ARHGAP39: variants seen among roughly 807,000 people sequenced by gnomAD.
ARHGAP39 encodes the protein Rho GTPase activating protein 39.
A neutral mutation model predicts 106.9 loss-of-function variants in ARHGAP39; 44 were observed. The observed-to-expected ratio is 0.41, with a 90% CI of 0.32 to 0.53. The LOEUF is 0.53. ARHGAP39 is among the 20% of genes least tolerant of loss of function. The pLI, the probability that ARHGAP39 is intolerant of heterozygous loss-of-function variation, is 0.21. For missense variants in ARHGAP39, 1,496 were observed against 1,577.3 expected (o/e 0.95, Z 0.87); for synonymous variants, 768 against 693.2 (o/e 1.11, Z -1.69).
intron 1 of ARHGAP39, among the ~76,000 whole-genome samples, chr8:144,630,973 T>C (rs1291969511): frequency 3.3e-5 from 5 of 152,288 alleles, no homozygotes; most frequent in African/African-American, 4.8e-5. Context: ...ACAGGTAGCA[T>C]GGCACCAACA....
intron 2 of ARHGAP39, among the ~76,000 whole-genome samples, chr8:144,587,540 A>G (rs1819225894): frequency 6.6e-6 from 1 of 152,194 alleles, no homozygotes. Flanking sequence ...GGAGCACAGG[A>G]TAGTCAGAGG....
the ARHGAP39 span, among the ~76,000 whole-genome samples, chr8:144,696,276 T>G: frequency 6.6e-6 from 1 of 152,104 alleles, no homozygotes; most frequent in African/African-American, 2.4e-5. Flanking sequence ...GTCGTTAGGA[T>G]GACAAGTACG....
intron 1 of ARHGAP39, among the ~76,000 whole-genome samples, chr8:144,617,601 A>G (rs113322486): frequency 1.3e-4 from 20 of 151,296 alleles, no homozygotes; most frequent in African/African-American, 4.4e-4. Context: ...AAAAAAAAAA[A>G]GGCAGGAGCA....
intron 1 of ARHGAP39, among the ~76,000 whole-genome samples, chr8:144,652,860 C>T (rs901484066): frequency 6.6e-6 from 1 of 151,758 alleles, no homozygotes; most frequent in East Asian, 1.9e-4. Flanking sequence ...AACAAACCCC[C>T]GTGACATGAG....
chr8:144,539,803 T>C (rs1330791340), intron 6 of ARHGAP39, among the ~76,000 whole-genome samples: 1 of 152,232 alleles, frequency 6.6e-6, no homozygotes, highest in African/African-American at 2.4e-5. Flanking sequence ...CTCGTTAGTC[T>C]AGCTTTATAA....
intron 8 of ARHGAP39, among the ~76,000 whole-genome samples, 172 bp from the exon 9 acceptor site, chr8:144,533,497 A>G (rs1300979058): frequency 2.0e-5 from 3 of 152,118 alleles, no homozygotes; most frequent in Non-Finnish European, 4.4e-5. Context: ...TCCCTGGACC[A>G]GCCCTCCTCG....
At chr8:144,588,771 T>C (rs140274286) in intron 2 of ARHGAP39, among the ~76,000 whole-genome samples, 3,033 of 152,358 alleles carry the variant, frequency 0.02, 74 homozygotes, top group Admixed American at 0.064. Flanking sequence ...TGGGCCACCA[T>C]GGCCAACGTG....
intron 3 of ARHGAP39, among the ~76,000 whole-genome samples, chr8:144,573,570 C>T (rs1034378892): frequency 3.3e-5 from 5 of 151,948 alleles, no homozygotes; most frequent in Non-Finnish European, 2.9e-5. Flanking sequence ...CAAACCTGCA[C>T]GTTGTGCACA....
intron 3 of ARHGAP39, among the ~76,000 whole-genome samples, chr8:144,579,809 C>A (rs1418976985): frequency 6.6e-6 from 1 of 152,180 alleles, no homozygotes; most frequent in South Asian, 2.1e-4. Flanking sequence ...CAACCTCAGC[C>A]AAGCACCGAA....
At chr8:144,563,048 T>C (rs1293740442) in intron 3 of ARHGAP39, among the ~76,000 whole-genome samples, 1 of 152,242 alleles carries the variant, frequency 6.6e-6, no homozygotes, top group African/African-American at 2.4e-5. Flanking sequence ...TTCAAATAAG[T>C]TGTGAAAATA....
rs537118152 is a variant in ARHGAP39 at position 144,532,625 on chromosome 8, G to A, written c.2889-229C>T. On this transcript the variant is annotated intron_variant, in intron 9 of 11. Transcript: ENST00000377307. Reference sequence around the variant, plus strand: ...GAGTGTGGTGCTTCCCCAGGCCACCGTCCCTCCCTGGACCCCTGCTGGCTC... The same window carrying A: ...GAGTGTGGTGCTTCCCCAGGCCACCATCCCTCCCTGGACCCCTGCTGGCTC... Among the ~76,000 whole-genome samples the A allele has an allele frequency of 1.8e-4, 27 of 152,284 alleles. No homozygotes were observed. The South Asian group carries it at 4.1e-3, about 23-fold the overall frequency.
chr8:144,600,322 G>GAGCT, intron 2 of ARHGAP39, among the ~76,000 whole-genome samples: 1 of 150,756 alleles, frequency 6.6e-6, no homozygotes, highest in Non-Finnish European at 1.5e-5. Context: ...GCGTGCGTGT[G>GAGCT]CACTTGTGTA....
intron 3 of ARHGAP39, among the ~76,000 whole-genome samples, chr8:144,574,080 C>T (rs1162898092): frequency 1.4e-5 from 2 of 141,772 alleles, no homozygotes; most frequent in South Asian, 2.2e-4. Context: ...GGCTGATGCA[C>T]GAGAATTGCT....
intron 9 of ARHGAP39, among the ~76,000 whole-genome samples, 153 bp from the exon 10 acceptor site, chr8:144,532,549 A>T (rs1488659367): frequency 6.6e-6 from 1 of 152,142 alleles, no homozygotes; most frequent in Non-Finnish European, 1.5e-5. Flanking sequence ...CTTTCCCACG[A>T]ACGTGGGTGG....
chr8:144,535,007 C>T (rs1816896165), intron 7 of ARHGAP39, among the ~76,000 whole-genome samples: 1 of 152,184 alleles, frequency 6.6e-6, no homozygotes, highest in Admixed American at 6.5e-5. Flanking sequence ...GAGAACACGC[C>T]AAGAGAAGCT....
At chr8:144,605,156 GGAGGT>G (rs2130945070) in intron 2 of ARHGAP39, among the ~76,000 whole-genome samples, 1 of 152,282 alleles carries the variant, frequency 6.6e-6, no homozygotes, top group East Asian at 1.9e-4. Context: ...CAGCTACTTG[GGAGGT>G]GAGGTGGGAG....
rs544742210 is a variant in ARHGAP39, at chr8:144,604,273, T to C, written c.80+1262A>G. Among the ~76,000 whole-genome samples the C allele has an allele frequency of 9.2e-5, 14 of 152,280 alleles. No individual in the cohort carries two copies. The highest frequency in any genetic ancestry group is 2.9e-4 in the African/African-American group (12 of 41,566). On this transcript the variant is annotated intron_variant, in intron 2 of 11. Transcript: ENST00000377307. The surrounding 1 kb of genome is among the most constrained non-coding windows in gnomAD (Gnocchi z 4.1). ...GTCATGTTGCCAGGTGAGGGGCAGA[T>C]GGACAGCAGTGTCTGCAGATGCGGG... is the stretch of plus-strand genomic sequence containing the variant.
intron 1 of ARHGAP39, among the ~76,000 whole-genome samples, chr8:144,678,004 C>T (rs1586653806): frequency 1.3e-5 from 2 of 152,168 alleles, no homozygotes; most frequent in Non-Finnish European, 2.9e-5. Flanking sequence ...CGAGTCCCTC[C>T]CCCTGCTGCG....
chr8:144,680,786 G>T (rs1344644798), intron 1 of ARHGAP39, among the ~76,000 whole-genome samples: 1 of 152,134 alleles, frequency 6.6e-6, no homozygotes, highest in East Asian at 1.9e-4. Flanking sequence ...GATCATAATA[G>T]CGGCCACTAA....
Sources: gnomAD v4.1 joint callset for allele counts (sites outside exome capture counted in the v4.1 genomes callset) on GRCh38, gnomAD v4.1.1 for gene constraint, Gnocchi (gnomAD v3.1) non-coding constraint, MANE v1.5 for transcripts, NCBI Gene and HGNC (gene_info 2026-07-23, HGNC 2026-07-21) for gene names.